PHF14: variants seen among roughly 807,000 people sequenced by gnomAD.
PHF14 encodes PHD finger protein 14.
PHF14 carries 55 observed loss-of-function variants against 117.9 expected under a neutral mutation model. That is an observed-to-expected ratio of 0.47 (90% CI 0.38 to 0.58). The LOEUF is 0.58. Among genes scored for constraint, PHF14 ranks in the 20% least tolerant of loss-of-function variants. The pLI is 0.00. For missense variants in PHF14, 978 were observed against 1,122.2 expected, an observed-to-expected ratio of 0.87 and a Z score of 1.84; for synonymous variants, 409 against 368.6, an observed-to-expected ratio of 1.11 and a Z score of -1.26.
In PHF14 at chr7:10,982,854, G is replaced by C; in HGVS notation, c.595G>C (p.Glu199Gln). Residue 199 changes from glutamate (E) to glutamine (Q), a missense_variant, in exon 3 of 18, where the codon GAG becomes CAG. By Grantham distance (29) the Glu-to-Gln change is conservative (BLOSUM62 2). Transcript: ENST00000634607. Reference sequence around the variant, plus strand: ...ACTTCTGGATTTTGTGTCCATGGAAGAGCTGAATGACATGGATGACTATGA... The same window carrying C: ...ACTTCTGGATTTTGTGTCCATGGAACAGCTGAATGACATGGATGACTATGA... ...RPLLDFVSMEELNDMDDYDSE... is the reference protein window; with the variant it reads ...RPLLDFVSMEQLNDMDDYDSE... The C allele has an allele frequency of 6.2e-7, 1 of 1,613,786 alleles. No homozygotes were observed. Among genetic ancestry groups the C allele is most frequent in the East Asian group, 2.2e-5 (1 of 44,876 alleles).
intron 17 of PHF14, among the ~76,000 whole-genome samples, chr7:11,147,472 C>A (rs1041906279): frequency 2.6e-5 from 4 of 152,070 alleles, no homozygotes; most frequent in Non-Finnish European, 5.9e-5. Flanking sequence ...GTCTTTGGTC[C>A]CCATTACTCC....
At chr7:11,093,919 A>T (rs1353366306) in intron 16 of PHF14, among the ~76,000 whole-genome samples, 1 of 152,110 alleles carries the variant, frequency 6.6e-6, no homozygotes, top group African/African-American at 2.4e-5. Flanking sequence ...TCACTCCTGT[A>T]GGAGTAGAGG....
intron 17 of PHF14, among the ~76,000 whole-genome samples, chr7:11,154,208 G>A (rs1467688811): frequency 6.6e-6 from 1 of 151,838 alleles, no homozygotes; most frequent in East Asian, 1.9e-4. Context: ...TTATATTAAG[G>A]AATACTGATA....
At chr7:11,011,200 A>G (rs891813898) in intron 4 of PHF14, among the ~76,000 whole-genome samples, 1 of 152,170 alleles carries the variant, frequency 6.6e-6, no homozygotes, top group Admixed American at 6.6e-5. Context: ...ATTTAAAATT[A>G]TTTACTAATT....
At chr7:11,147,066 C>T (rs991389809) in intron 17 of PHF14, among the ~76,000 whole-genome samples, 3 of 152,132 alleles carry the variant, frequency 2.0e-5, no homozygotes, top group Non-Finnish European at 4.4e-5. Flanking sequence ...AGGCTGGTCT[C>T]GAACTCCTTG....
At chr7:10,982,258 A>G in intron 2 of PHF14, 114 bp from the exon 3 acceptor site, 1 of 617,738 alleles carries the variant, frequency 1.6e-6, no homozygotes, top group Non-Finnish European at 2.7e-6. Flanking sequence ...ATTTGTTTAT[A>G]TTGTTTTGCA....
At chr7:11,077,299 GAA>G (rs112993406) in intron 16 of PHF14, among the ~76,000 whole-genome samples, 1 of 143,182 alleles carries the variant, frequency 7.0e-6, no homozygotes, top group African/African-American at 2.6e-5. Flanking sequence ...GTAGTGCAAA[GAA>G]AAAAAAAAAG....
intron 17 of PHF14, among the ~76,000 whole-genome samples, chr7:11,123,904 C>T (rs1296494670): frequency 6.7e-6 from 1 of 150,034 alleles, no homozygotes; most frequent in African/African-American, 2.5e-5. Context: ...GGTGACAGAG[C>T]GAGACTCCAT....
chr7:10,988,591 G>C (rs1217385852), intron 3 of PHF14, among the ~76,000 whole-genome samples: 1 of 131,970 alleles, frequency 7.6e-6, no homozygotes, highest in African/African-American at 2.9e-5. Context: ...GTCTTTTTTG[G>C]ACTTACCGTG....
chr7:11,043,766 T>C (rs58883350), intron 13 of PHF14, among the ~76,000 whole-genome samples: 2,001 of 152,272 alleles, frequency 0.013, 45 homozygotes, highest in African/African-American at 0.046. Flanking sequence ...GGTTTTTATG[T>C]GCTTCAGAAA....
intron 8 of PHF14, among the ~76,000 whole-genome samples, chr7:11,036,160 G>C (rs1346504596): frequency 6.6e-6 from 1 of 152,068 alleles, no homozygotes; most frequent in African/African-American, 2.4e-5. Flanking sequence ...CAGTTATTAA[G>C]AAGAGAAACT....
At position 11,051,635 on chromosome 7, in the gene PHF14, C is replaced by A; in HGVS notation, c.2336C>A (p.Ala779Glu). The change falls in exon 14 of 18, where the codon GCA (alanine) becomes GAA (glutamate). Residue 779 changes from alanine to glutamate, a missense_variant. Transcript: ENST00000634607. ...SYWQCSECDQ[A>E]GSSDMEADMA... The stretch of plus-strand genomic sequence containing the variant: ...AGGCAGTGCTCGGAATGTGACCAGG[C>A]AGGGAGCAGTGACATGGAAGCAGAT... The A allele has an allele frequency of 2.5e-6, 4 of 1,612,804 alleles. No homozygotes were observed. The highest frequency in any genetic ancestry group is 3.4e-6 in the Non-Finnish European group (4 of 1,179,328).
At chr7:11,156,445 T>G (rs1239947873) in intron 17 of PHF14, among the ~76,000 whole-genome samples, 1 of 152,180 alleles carries the variant, frequency 6.6e-6, no homozygotes, top group East Asian at 1.9e-4. Context: ...AACATTCCAT[T>G]TGAAATAAGG....
At position 11,064,438 on chromosome 7, in the gene PHF14, C is replaced by G. The variant is rs550885613; in HGVS notation, c.2654+2353C>G. On this transcript the variant is annotated intron_variant, in intron 16 of 17. Transcript: ENST00000634607. ...CTACAGATATATTTCAGCGCTTACT[C>G]AGACATACGTGTATGTCTGTTAGGT... is the stretch of plus-strand genomic sequence containing the variant. 5.3e-5 allele frequency among the ~76,000 whole-genome samples: 8 copies of G among 151,960 alleles called. No homozygotes were observed. The South Asian group carries it at 1.7e-3, about 32-fold the overall frequency.
chr7:11,132,368 G>A (rs1307430211), intron 17 of PHF14, among the ~76,000 whole-genome samples: 1 of 150,168 alleles, frequency 6.7e-6, no homozygotes, highest in African/African-American at 2.5e-5. Flanking sequence ...TTTGTGCCTG[G>A]CTTGTTTCAC....
chr7:10,991,906 AG>A (rs1218761992), intron 4 of PHF14, among the ~76,000 whole-genome samples: 8 of 147,530 alleles, frequency 5.4e-5, no homozygotes, highest in Admixed American at 1.3e-4. Context: ...CCTTATTTCC[AG>A]TTTTTTTTTT....
At chr7:11,104,978 A>G (rs1787211858) in intron 16 of PHF14, 1 of 917,136 alleles carries the variant, frequency 1.1e-6, no homozygotes, top group South Asian at 5.0e-5. Context: ...AGATAAAAGA[A>G]TTAGTAATTT....
intron 16 of PHF14, chr7:11,105,705 A>G: frequency 3.0e-6 from 3 of 984,618 alleles, no homozygotes; most frequent in Non-Finnish European, 3.6e-6. Flanking sequence ...ATTTCTCTAT[A>G]AAAGTGGAAG....
chr7:11,015,025 TTTTTA>T (rs1783488874), intron 5 of PHF14: 1 of 152,046 alleles, frequency 6.6e-6, no homozygotes, highest in Non-Finnish European at 1.5e-5. Flanking sequence ...GGTACTTAAA[TTTTTA>T]TTTTGTCACA....
Sources: allele counts gnomAD v4.1 joint callset (sites outside exome capture counted in the v4.1 genomes callset), GRCh38; gene constraint gnomAD v4.1.1; transcripts MANE v1.5; gene names NCBI Gene and HGNC (gene_info 2026-07-23, HGNC 2026-07-21).